The following KCNN2 variants were observed in gnomAD, a reference collection of about 807,000 sequenced individuals.
KCNN2 encodes the protein small conductance calcium-activated potassium channel protein 2.
KCNN2 carries 24 observed loss-of-function variants against 55.5 expected under a neutral mutation model. The observed-to-expected ratio is 0.43, with a 90% CI of 0.31 to 0.61. KCNN2 has a LOEUF of 0.61. KCNN2 is among the 20% of genes least tolerant of loss of function. The pLI is 0.08. For synonymous variants in KCNN2, 431 were observed against 336.1 expected, an observed-to-expected ratio of 1.28 and a Z score of -3.09; for missense variants, 754 against 853.6, an observed-to-expected ratio of 0.88 and a Z score of 1.45.
In KCNN2 at chr5:114,382,077, T is replaced by C. The variant is rs143957549; in HGVS notation, c.1218+18076T>C. 6.8e-4 allele frequency among the ~76,000 whole-genome samples: 103 copies of C among 152,382 alleles called. 1 individual carries two copies. Among genetic ancestry groups the C allele is most frequent in the Admixed American group, 4.9e-3 (75 of 15,310 alleles). ...GTTAATGGATTAACCATGAGGTTAA[T>C]GTTCTCTCCTGTATATGTTTCCTAT... On this transcript the variant is annotated intron_variant, in intron 2 of 7. Transcript: ENST00000673685.
In KCNN2 at chr5:114,362,748, C is replaced by G. The variant is rs963123835; in HGVS notation, c.609C>G (p.Arg203=). 8.4e-6 allele frequency: 13 copies of G among 1,545,950 alleles called. No individual in the cohort carries two copies. Among genetic ancestry groups the G allele is most frequent in the South Asian group, 2.4e-5 (2 of 81,820 alleles). The part of the protein sequence containing the change: ...HHQHHQPQAR[R]ESNPFTEIAM... ...AGCACCACCAGCCCCAGGCGCGCCG[C>G]GAGAGCAACCCCTTCACCGAAATAG... Residue 203 remains arginine, a synonymous_variant, in exon 1 of 8, where the codon CGC becomes CGG. Transcript: ENST00000673685.
At chr5:114,421,856 C>G (rs745942141) in intron 3 of KCNN2, among the ~76,000 whole-genome samples, 7 of 152,152 alleles carry the variant, frequency 4.6e-5, no homozygotes, top group Non-Finnish European at 1.0e-4. Flanking sequence ...GTTATCCACC[C>G]GCCTCGGCCT....
chr5:114,244,176 A>C, intron 2 of KCNN2, among the ~76,000 whole-genome samples: 3 of 152,248 alleles, frequency 2.0e-5, no homozygotes, highest in Middle Eastern at 3.4e-3. Flanking sequence ...AAATTCTAGA[A>C]CTTTCTGAAA....
At chr5:114,090,768 A>G (rs562400798) in intron 1 of KCNN2, among the ~76,000 whole-genome samples, 3 of 152,186 alleles carry the variant, frequency 2.0e-5, no homozygotes, top group Admixed American at 2.0e-4. Flanking sequence ...TCTTCTGTGG[A>G]GACTTAGTAC....
At chr5:114,121,485 G>T (rs1751829394) in intron 1 of KCNN2, among the ~76,000 whole-genome samples, 1 of 152,090 alleles carries the variant, frequency 6.6e-6, no homozygotes, top group African/African-American at 2.4e-5. Flanking sequence ...CTATATACTG[G>T]CTCTTGCTTA....
chr5:114,074,747 G>T (rs1468484839), intron 1 of KCNN2, among the ~76,000 whole-genome samples: 1 of 152,176 alleles, frequency 6.6e-6, no homozygotes, highest in African/African-American at 2.4e-5. Flanking sequence ...TCCTTAGAAA[G>T]AGCTTGAAGA....
At chr5:114,149,290 A>T (rs1368242097) in intron 1 of KCNN2, among the ~76,000 whole-genome samples, 1 of 152,168 alleles carries the variant, frequency 6.6e-6, no homozygotes, top group Non-Finnish European at 1.5e-5. Flanking sequence ...AAGACTAGTC[A>T]TCATGAACCC....
At chr5:114,207,977 A>G (rs1753809064) in intron 1 of KCNN2, among the ~76,000 whole-genome samples, 1 of 152,210 alleles carries the variant, frequency 6.6e-6, no homozygotes, top group Non-Finnish European at 1.5e-5. Flanking sequence ...AGTGCACTTC[A>G]GAACTAAATG....
At chr5:114,121,202 A>T (rs1386940733) in intron 1 of KCNN2, among the ~76,000 whole-genome samples, 1 of 152,172 alleles carries the variant, frequency 6.6e-6, no homozygotes, top group East Asian at 1.9e-4. Flanking sequence ...GGACCTGTGG[A>T]ATTTGCACCT....
chr5:114,456,769 A>T (rs970783195), intron 3 of KCNN2, among the ~76,000 whole-genome samples: 14 of 152,236 alleles, frequency 9.2e-5, no homozygotes, highest in African/African-American at 3.4e-4. Flanking sequence ...TTCAAATTTC[A>T]ACAGAAGAAG....
At chr5:114,268,646 C>T (rs1355652050) in intron 2 of KCNN2, among the ~76,000 whole-genome samples, 1 of 152,156 alleles carries the variant, frequency 6.6e-6, no homozygotes, top group African/African-American at 2.4e-5. Flanking sequence ...AAGGCAAGAA[C>T]CACTCTCTAG....
At chr5:114,129,950 G>A (rs1580539037) in intron 1 of KCNN2, among the ~76,000 whole-genome samples, 2 of 152,296 alleles carry the variant, frequency 1.3e-5, no homozygotes, top group African/African-American at 2.4e-5. Context: ...AGGTATAATT[G>A]CTAGAGGAGT....
intron 1 of KCNN2, among the ~76,000 whole-genome samples, chr5:114,210,613 T>A (rs577914342): frequency 3.3e-5 from 5 of 152,336 alleles, no homozygotes; most frequent in Non-Finnish European, 7.4e-5. Flanking sequence ...TTTTGCTATA[T>A]ATAAAACCAA....
intron 3 of KCNN2, among the ~76,000 whole-genome samples, chr5:114,451,891 T>G (rs1760708132): frequency 6.7e-6 from 1 of 148,268 alleles, no homozygotes; most frequent in Non-Finnish European, 1.5e-5. Flanking sequence ...AGCAAGACAC[T>G]GTCTCAAAAA....
At chr5:114,296,737 T>G (rs944605198) in intron 2 of KCNN2, among the ~76,000 whole-genome samples, 3 of 152,298 alleles carry the variant, frequency 2.0e-5, no homozygotes, top group Admixed American at 2.0e-4. Flanking sequence ...CATTTAAAAG[T>G]TAAGCTAAGC....
Position 114,188,474 on chromosome 5 carries a change from T to A in KCNN2, c.-270-33006T>A, listed in dbSNP as rs555969689. 2.6e-4 allele frequency among the ~76,000 whole-genome samples: 40 copies of A among 152,174 alleles called. No individual in the cohort carries two copies. In the South Asian group the frequency reaches 7.5e-3, roughly 28 times the overall value. The stretch of plus-strand genomic sequence containing the variant: ...AAATATTAATAGAAGTCTTAGGCAA[T>A]GCAAAAAAGATAAAAATTATGAAAA... On this transcript the variant is annotated intron_variant, in intron 1 of 10. Coordinates refer to the KCNN2 transcript ENST00000512097.
chr5:114,131,838 G>T (rs901246904), intron 1 of KCNN2, among the ~76,000 whole-genome samples: 1 of 152,182 alleles, frequency 6.6e-6, no homozygotes. Context: ...GCATAAGATG[G>T]TATCTCATTG....
chr5:114,357,766 G>GC (rs1757324011), upstream of KCNN2, among the ~76,000 whole-genome samples: 1 of 147,690 alleles, frequency 6.8e-6, no homozygotes, highest in South Asian at 2.2e-4. Flanking sequence ...ACATACGTGT[G>GC]CATGTGTCTT....
intron 2 of KCNN2, among the ~76,000 whole-genome samples, chr5:114,291,207 A>G (rs998140665): frequency 7.0e-5 from 5 of 70,924 alleles, no homozygotes; most frequent in Admixed American, 2.9e-4. Context: ...TTATTATTAT[A>G]CTTTAAGTTT....
Sources: allele counts gnomAD v4.1 joint callset (sites outside exome capture counted in the v4.1 genomes callset), GRCh38; gene constraint gnomAD v4.1.1; transcripts MANE v1.5; gene names NCBI Gene and HGNC (gene_info 2026-07-23, HGNC 2026-07-21).